The following PTPRT variants were observed in gnomAD, a reference collection of about 807,000 sequenced individuals.
PTPRT encodes receptor-type tyrosine-protein phosphatase T.
In PTPRT, 56 loss-of-function variants were observed where a neutral mutation model predicts 176.8. That is an observed-to-expected ratio of 0.32 (90% confidence interval 0.26 to 0.40). The LOEUF (loss-of-function observed/expected upper bound fraction) is 0.40, where lower values mean the gene tolerates loss of function less well. Ranked by LOEUF, PTPRT falls within the 10% of genes least tolerant of loss-of-function variation. The pLI is 1.00. For missense variants in PTPRT, 1,540 were observed against 1,908.2 expected (o/e 0.81, Z 3.60); for synonymous variants, 783 against 739.0 (o/e 1.06, Z -0.96).
At chr20:42,483,319 A>C (rs978393869) in intron 7 of PTPRT, among the ~76,000 whole-genome samples, 2 of 152,042 alleles carry the variant, frequency 1.3e-5, no homozygotes, top group Admixed American at 1.3e-4. Flanking sequence ...GCATGCCACC[A>C]CGCTCGACTA....
intron 27 of PTPRT, among the ~76,000 whole-genome samples, chr20:42,088,842 T>C (rs1019112941): frequency 3.3e-5 from 5 of 152,212 alleles, no homozygotes; most frequent in Admixed American, 6.5e-5. Flanking sequence ...ACATAATTCA[T>C]GTAAATAAAC....
chr20:42,572,532 TG>T (rs2073174652), intron 7 of PTPRT, among the ~76,000 whole-genome samples: 1 of 152,140 alleles, frequency 6.6e-6, no homozygotes, highest in South Asian at 2.1e-4. Context: ...ACATTCTTGT[TG>T]GCCCCAACAT....
At chr20:42,266,374 C>A (rs73254765) in intron 13 of PTPRT, among the ~76,000 whole-genome samples, 1 of 152,172 alleles carries the variant, frequency 6.6e-6, no homozygotes, top group South Asian at 2.1e-4. Flanking sequence ...AGACTGGACA[C>A]TGTCAGTCTC....
chr20:42,520,954 A>T (rs190707776), intron 7 of PTPRT, among the ~76,000 whole-genome samples: 4 of 152,010 alleles, frequency 2.6e-5, no homozygotes, highest in Non-Finnish European at 5.9e-5. Context: ...CTATCCGTCC[A>T]CCCACCAACC....
At position 42,626,091 on chromosome 20, in the gene PTPRT, T is replaced by C. The variant is rs150572044; in HGVS notation, c.1153+51775A>G. Among the ~76,000 whole-genome samples the C allele has an allele frequency of 9.1e-4, 138 of 152,208 alleles. 6 individuals are homozygous for C. The South Asian group carries it at 0.02, about 22-fold the overall frequency. ...CATGAGACTAACTATCGAGCTTTTGTGTTTTCAGTGACCGTATTTTTCTAA... is the reference window on the plus strand; with the variant it reads ...CATGAGACTAACTATCGAGCTTTTGCGTTTTCAGTGACCGTATTTTTCTAA... On this transcript the variant is annotated intron_variant, in intron 7 of 30. Transcript: ENST00000373187.
intron 7 of PTPRT, among the ~76,000 whole-genome samples, chr20:42,557,459 A>C (rs1282952694): frequency 6.6e-6 from 1 of 151,966 alleles, no homozygotes; most frequent in Non-Finnish European, 1.5e-5. Flanking sequence ...ATTCCCCTAG[A>C]ATCTCCATCC....
Position 42,945,610 on chromosome 20 carries a change from C to T in PTPRT, c.89-59678G>A, listed in dbSNP as rs531907026. 2.6e-5 allele frequency among the ~76,000 whole-genome samples: 4 copies of T among 152,290 alleles called. No homozygotes were observed. The East Asian group carries it at 5.8e-4, about 22-fold the overall frequency. ...GGTGCCTGTTTCCCTGAGGAAGGGC[C>T]CCTCCTCCCATGTCACCGGGGTCAC... On this transcript the variant is annotated intron_variant, in intron 1 of 30. Coordinates refer to ENST00000373187, the MANE Select transcript of PTPRT (RefSeq NM_007050.6).
chr20:42,833,025 G>C (rs542190685), intron 2 of PTPRT, among the ~76,000 whole-genome samples: 2 of 151,952 alleles, frequency 1.3e-5, no homozygotes, highest in East Asian at 3.9e-4. Context: ...AGGAGGCAGA[G>C]GTTGCAGTCA....
chr20:42,586,560 C>T (rs561884932), intron 7 of PTPRT, among the ~76,000 whole-genome samples: 2 of 152,298 alleles, frequency 1.3e-5, no homozygotes, highest in South Asian at 2.1e-4. Context: ...CAGAGAAGGA[C>T]TTCGACCTCA....
At chr20:42,847,181 G>A (rs1309394676) in intron 2 of PTPRT, among the ~76,000 whole-genome samples, 2 of 152,206 alleles carry the variant, frequency 1.3e-5, no homozygotes, top group Admixed American at 1.3e-4. Flanking sequence ...AAGGACAAGG[G>A]TAAGTGTAGC....
intron 8 of PTPRT, among the ~76,000 whole-genome samples, chr20:42,468,135 G>A (rs773615370): frequency 2.0e-5 from 3 of 152,200 alleles, no homozygotes; most frequent in Non-Finnish European, 1.5e-5. Flanking sequence ...GGATTTCTTC[G>A]CAGGCCGTCA....
At chr20:42,893,868 G>T (rs1469373236) in intron 1 of PTPRT, among the ~76,000 whole-genome samples, 1 of 151,820 alleles carries the variant, frequency 6.6e-6, no homozygotes, top group Non-Finnish European at 1.5e-5. Flanking sequence ...TTGTGGGGTG[G>T]GGGGAGTGGG....
chr20:42,555,469 G>A (rs563176618), intron 7 of PTPRT, among the ~76,000 whole-genome samples: 25 of 152,238 alleles, frequency 1.6e-4, no homozygotes, highest in Non-Finnish European at 3.1e-4. Flanking sequence ...CAGCAATCAC[G>A]GCAGGCAGTT....
chr20:42,860,780 G>A (rs949022330), intron 2 of PTPRT, among the ~76,000 whole-genome samples: 1 of 152,056 alleles, frequency 6.6e-6, no homozygotes, highest in Non-Finnish European at 1.5e-5. Flanking sequence ...TTCTCTTGGG[G>A]TTTTGGTAGA....
intron 2 of PTPRT, among the ~76,000 whole-genome samples, chr20:42,859,355 T>C (rs1041294025): frequency 6.6e-6 from 1 of 152,170 alleles, no homozygotes; most frequent in African/African-American, 2.4e-5. Context: ...TGTACATTTA[T>C]CTGCTCAGAA....
chr20:42,277,874 A>T (rs1162671341), intron 13 of PTPRT, among the ~76,000 whole-genome samples: 1 of 142,006 alleles, frequency 7.0e-6, no homozygotes, highest in Non-Finnish European at 1.5e-5. Context: ...ATGACCTGTT[A>T]GTCATCCACT....
At position 42,123,013 on chromosome 20, in the gene PTPRT, T is replaced by A. The variant is rs111720480; in HGVS notation, c.2848-3042A>T. 8.0e-3 allele frequency among the ~76,000 whole-genome samples: 1,222 copies of A among 152,236 alleles called. 10 individuals carry two copies. The highest frequency in any genetic ancestry group is 0.028 in the African/African-American group (1,162 of 41,536). On this transcript the variant is annotated intron_variant, in intron 19 of 30. Transcript: ENST00000373187. ...CTTTGTATATGCTCAGTGAATGCAATTCCATGTGCTGCAGTAAATTTTTTT... is the reference window on the plus strand; with the variant it reads ...CTTTGTATATGCTCAGTGAATGCAAATCCATGTGCTGCAGTAAATTTTTTT...
intron 15 of PTPRT, among the ~76,000 whole-genome samples, chr20:42,209,222 T>C (rs1175191478): frequency 6.6e-6 from 1 of 151,806 alleles, no homozygotes; most frequent in Non-Finnish European, 1.5e-5. Context: ...TACCCTAACA[T>C]CACAATTAAA....
chr20:42,494,924 A>C (rs567304156), intron 7 of PTPRT, among the ~76,000 whole-genome samples: 99 of 152,300 alleles, frequency 6.5e-4, no homozygotes, highest in African/African-American at 2.4e-3. Context: ...TTAGCATCAC[A>C]TCTTTCTAGA....
Sources: allele counts gnomAD v4.1 joint callset (sites outside exome capture counted in the v4.1 genomes callset), GRCh38; gene constraint gnomAD v4.1.1; transcripts MANE v1.5; gene names NCBI Gene and HGNC (gene_info 2026-07-23, HGNC 2026-07-21).